Variants in ANKHD1 observed in about 807,000 individuals in gnomAD.
ANKHD1 encodes the protein ankyrin repeat and KH domain-containing protein 1.
Under a neutral mutation model 230.5 loss-of-function variants are expected in ANKHD1, and 31 were observed. The ratio of observed to expected loss-of-function variants is 0.13; its 90% CI spans 0.10 to 0.18. The LOEUF (loss-of-function observed/expected upper bound fraction) is 0.18, where lower values mean the gene tolerates loss of function less well. Ranked by LOEUF, ANKHD1 falls within the 10% of genes least tolerant of loss-of-function variation. The pLI is 1.00. For missense variants in ANKHD1, 2,256 were observed against 3,071.3 expected (o/e 0.73, Z 6.27); for synonymous variants, 1,074 against 1,117.6 (o/e 0.96, Z 0.78).
At chr5:140,428,364 G>A (rs900939231) in intron 1 of ANKHD1, among the ~76,000 whole-genome samples, 26 of 152,020 alleles carry the variant, frequency 1.7e-4, no homozygotes, top group Middle Eastern at 6.8e-3. Context: ...CTGAGTGAAC[G>A]AGACTCCGTC....
Position 140,485,081 on chromosome 5 carries a change from G to A in ANKHD1, c.1871-40G>A, listed in dbSNP as rs769534011. On this transcript the variant is annotated intron_variant, in intron 11 of 33. Coordinates refer to ENST00000360839, the MANE Select transcript of ANKHD1 (RefSeq NM_017747.3). The surrounding 1 kb of genome is among the most constrained non-coding windows in gnomAD (Gnocchi z 4.8). ...GATATTGACTATGAACTAGCTTGAT[G>A]TCAACCTTTGCTAAGATTGCGATTT... 7.0e-6 allele frequency: 11 copies of A among 1,579,554 alleles called. No homozygotes were observed. In the African/African-American group the frequency reaches 8.1e-5, roughly 12 times the overall value.
intron 10 of ANKHD1, among the ~76,000 whole-genome samples, chr5:140,474,068 T>C (rs1380077872): frequency 1.3e-5 from 2 of 152,196 alleles, no homozygotes; most frequent in Admixed American, 6.5e-5. Flanking sequence ...CATCTTTGCT[T>C]TATAATCGAT....
chr5:140,419,140 T>TC (rs1771655556), intron 1 of ANKHD1, among the ~76,000 whole-genome samples: 1 of 138,068 alleles, frequency 7.2e-6, no homozygotes, highest in South Asian at 2.2e-4. Context: ...CTTTTCTCTC[T>TC]TTTTTTTTTT....
chr5:140,472,932 CAA>C (rs1160585848), intron 10 of ANKHD1, among the ~76,000 whole-genome samples: 1 of 151,240 alleles, frequency 6.6e-6, no homozygotes, highest in African/African-American at 2.4e-5. Context: ...CATTATAATC[CAA>C]AGAGATTTAT....
chr5:140,438,331 A>C, intron 2 of ANKHD1, 130 bp from the exon 3 acceptor site: 3 of 1,321,286 alleles, frequency 2.3e-6, no homozygotes, highest in East Asian at 2.6e-5. Flanking sequence ...TCTTCTGTCA[A>C]CCTAACCTAT....
At chr5:140,491,117 CACAT>C (rs1451797545) in intron 14 of ANKHD1, among the ~76,000 whole-genome samples, 7 of 92,866 alleles carry the variant, frequency 7.5e-5, no homozygotes, top group African/African-American at 2.4e-4. Flanking sequence ...TACACACACA[CACAT>C]ATATATATAT....
chr5:140,440,378 C>G, intron 4 of ANKHD1, 112 bp downstream of exon 4: 7 of 1,390,570 alleles, frequency 5.0e-6, no homozygotes, highest in Non-Finnish European at 5.6e-6. Flanking sequence ...TTCTCTTCCC[C>G]CATCCTCCTT....
rs542783032 is a variant in ANKHD1 at position 140,466,585 on chromosome 5, A to C, written c.1782+1809A>C. 5.0e-4 allele frequency among the ~76,000 whole-genome samples: 76 copies of C among 152,282 alleles called. 1 individual carries two copies. The highest frequency in any genetic ancestry group is 1.7e-3 in the African/African-American group (69 of 41,564). On this transcript the variant is annotated intron_variant, in intron 10 of 33. Coordinates refer to ENST00000360839, the MANE Select transcript of ANKHD1 (RefSeq NM_017747.3). Reference sequence around the variant, plus strand: ...TTATTTAGTTCCTTAGAAGAACTACATTAATTGAACAGATAGAGCTATTTG... The same window carrying C: ...TTATTTAGTTCCTTAGAAGAACTACCTTAATTGAACAGATAGAGCTATTTG...
At chr5:140,414,250 A>G (rs1771172485) in intron 1 of ANKHD1, among the ~76,000 whole-genome samples, 1 of 152,110 alleles carries the variant, frequency 6.6e-6, no homozygotes, top group Non-Finnish European at 1.5e-5. Flanking sequence ...TCTATTTTTA[A>G]TTTTTTGAGG....
intron 32 of ANKHD1, 100 bp downstream of exon 32, chr5:140,538,361 C>T (rs142063207): frequency 1.3e-6 from 2 of 1,525,812 alleles, no homozygotes. Context: ...CCTTTTGTTT[C>T]TGTGGCTTTG....
chr5:140,475,497 G>T (rs554688485), intron 10 of ANKHD1, among the ~76,000 whole-genome samples: 1 of 152,002 alleles, frequency 6.6e-6, no homozygotes, highest in African/African-American at 2.4e-5. Flanking sequence ...ACTATCTAGG[G>T]TTATGGTTAG....
chr5:140,497,000 TTGA>T lies in ANKHD1; in HGVS notation c.2733_2735del (p.Asp911del). ...ACAATCTTATTTAAAGATAATGATG[TTGA>T]TGATGAGCAACAGTCTCCACCATCG... On this transcript the variant is annotated inframe_deletion, in exon 15 of 34. Coordinates refer to ENST00000360839, the MANE Select transcript of ANKHD1 (RefSeq NM_017747.3). The T allele has an allele frequency of 6.2e-7, 1 of 1,614,172 alleles. No individual in the cohort carries two copies. The highest frequency in any genetic ancestry group is 1.1e-5 in the South Asian group (1 of 91,082).
chr5:140,438,781 A>G (rs1042883897), intron 3 of ANKHD1, among the ~76,000 whole-genome samples, 164 bp downstream of exon 3: 2 of 152,238 alleles, frequency 1.3e-5, no homozygotes, highest in African/African-American at 4.8e-5. Flanking sequence ...ATGTAGCTAT[A>G]CAAATGGATA....
At chr5:140,459,029 T>G in intron 8 of ANKHD1, 135 bp from the exon 9 acceptor site, 1 of 157,158 alleles carries the variant, frequency 6.4e-6, no homozygotes, top group Non-Finnish European at 1.1e-5. Flanking sequence ...TATATATATA[T>G]TGCATTGATG....
At chr5:140,487,790 A>C (rs112144845) in intron 14 of ANKHD1, among the ~76,000 whole-genome samples, 2,307 of 152,330 alleles carry the variant, frequency 0.015, 62 homozygotes, top group African/African-American at 0.052. Context: ...AACTATGTAA[A>C]AACAAACTTA....
At chr5:140,402,338 G>C in intron 1 of ANKHD1, 65 bp downstream of exon 1, 1 of 1,387,606 alleles carries the variant, frequency 7.2e-7, no homozygotes, top group Non-Finnish European at 9.3e-7. Flanking sequence ...GGTAGGCTCT[G>C]GGCCGGGGCC....
At chr5:140,535,244 A>C (rs916632263) in intron 29 of ANKHD1, 118 bp from the exon 30 acceptor site, 3 of 1,424,858 alleles carry the variant, frequency 2.1e-6, no homozygotes, top group Non-Finnish European at 2.8e-6. Flanking sequence ...GCCACATGCT[A>C]TCTTTTATTT....
At chr5:140,461,397 A>T (rs1027714276) in intron 9 of ANKHD1, among the ~76,000 whole-genome samples, 3 of 152,278 alleles carry the variant, frequency 2.0e-5, no homozygotes, top group South Asian at 4.1e-4. Context: ...ACTACCTAAA[A>T]GTTTTTTTTC....
intron 15 of ANKHD1, among the ~76,000 whole-genome samples, chr5:140,500,660 A>G (rs867524400): frequency 7.0e-6 from 1 of 143,300 alleles, no homozygotes; most frequent in Admixed American, 6.9e-5. Context: ...AAAAAAAAAA[A>G]AAAAAAAAAG....
Sources: gnomAD v4.1 joint callset for allele counts (sites outside exome capture counted in the v4.1 genomes callset) on GRCh38, gnomAD v4.1.1 for gene constraint, Gnocchi (gnomAD v3.1) non-coding constraint, MANE v1.5 for transcripts, NCBI Gene and HGNC (gene_info 2026-07-23, HGNC 2026-07-21) for gene names.